RFX7: variants seen among roughly 807,000 people sequenced by gnomAD.
RFX7 encodes the protein regulatory factor X7, also known as DNA-binding protein RFX7.
RFX7 carries 26 observed loss-of-function variants against 111.8 expected under a neutral mutation model. The ratio of observed to expected loss-of-function variants is 0.23; its 90% CI spans 0.17 to 0.32. The LOEUF (loss-of-function observed/expected upper bound fraction) is 0.32, where lower values mean the gene tolerates loss of function less well. Among genes scored for constraint, RFX7 ranks in the 10% least tolerant of loss-of-function variants. The pLI, the probability that RFX7 is intolerant of heterozygous loss-of-function variation, is 1.00. For missense variants in RFX7, 1,573 were observed against 1,772.9 expected (o/e 0.89, Z 2.02); for synonymous variants, 624 against 624.4 (o/e 1.00, Z 0.01).
chr15:56,141,275 G>T (rs1430422546), intron 5 of RFX7, among the ~76,000 whole-genome samples: 1 of 151,910 alleles, frequency 6.6e-6, no homozygotes, highest in Non-Finnish European at 1.5e-5. Context: ...TTGAGCCCTG[G>T]GGGTGGGGGT....
intron 5 of RFX7, among the ~76,000 whole-genome samples, chr15:56,140,110 C>G (rs1595958546): frequency 6.6e-6 from 1 of 152,216 alleles, no homozygotes. Context: ...CCTACAGAGG[C>G]AGGCAGGCCT....
chr15:56,180,703 C>T (rs1326453783), intron 2 of RFX7, among the ~76,000 whole-genome samples: 1 of 144,016 alleles, frequency 6.9e-6, no homozygotes, highest in African/African-American at 2.6e-5. Context: ...CTCAGGAGTT[C>T]GAGACCAGCT....
chr15:56,201,651 A>T (rs1222120936), intron 2 of RFX7, among the ~76,000 whole-genome samples: 1 of 152,168 alleles, frequency 6.6e-6, no homozygotes, highest in Admixed American at 6.5e-5. Context: ...GCATAATTCT[A>T]TGTAGGAATG....
chr15:56,223,502 A>G (rs1455276196), intron 2 of RFX7, among the ~76,000 whole-genome samples: 2 of 152,128 alleles, frequency 1.3e-5, no homozygotes. Context: ...CAGTTGCTTC[A>G]TGTCTTTTAT....
intron 5 of RFX7, among the ~76,000 whole-genome samples, chr15:56,132,564 A>T (rs1166523458): frequency 2.0e-5 from 3 of 152,098 alleles, no homozygotes; most frequent in Non-Finnish European, 4.4e-5. Flanking sequence ...CAAGGCTTAT[A>T]TATAAAAAAT....
At chr15:56,157,633 T>C (rs1595975000) in intron 3 of RFX7, among the ~76,000 whole-genome samples, 1 of 152,220 alleles carries the variant, frequency 6.6e-6, no homozygotes, top group Non-Finnish European at 1.5e-5. Context: ...CAGGCTGGAG[T>C]GCAGTGGCAC....
In RFX7 at chr15:56,138,960, T is replaced by C. The variant is rs1463561849; in HGVS notation, c.401+3818A>G. Among the ~76,000 whole-genome samples, 3 of 152,298 alleles carry C rather than the reference T, an allele frequency of 2.0e-5. No homozygotes were observed. In the East Asian group the frequency reaches 5.8e-4, roughly 29 times the overall value. On this transcript the variant is annotated intron_variant, in intron 5 of 9. Transcript: ENST00000559447. ...ATATTGGCCCCCACTCTCTTCTGGC[T>C]TGTAGGGTTTCTGCCGAGAGATCCG...
At chr15:56,232,636 T>C (rs551104157) in intron 2 of RFX7, among the ~76,000 whole-genome samples, 1 of 152,344 alleles carries the variant, frequency 6.6e-6, no homozygotes, top group African/African-American at 2.4e-5. Context: ...TCTGAACTTT[T>C]ATGCTCTGTT....
intron 2 of RFX7, among the ~76,000 whole-genome samples, chr15:56,223,231 G>A (rs2043445076): frequency 6.6e-6 from 1 of 152,130 alleles, no homozygotes; most frequent in South Asian, 2.1e-4. Flanking sequence ...TTCAGTTAAA[G>A]ATTCAGAATG....
At position 56,093,780 on chromosome 15, in the gene RFX7, G is replaced by A. The variant is rs2041630412; in HGVS notation, c.3948C>T (p.Tyr1316=). The change falls in exon 10 of 10, where the codon TAC becomes TAT. Residue 1316 remains tyrosine, a synonymous_variant. Transcript: ENST00000559447. The part of the protein sequence containing the change: ...TSVYEFQTPS[Y]LTKSNSTGQI... The stretch of plus-strand genomic sequence containing the variant: ...GACCGGTGCTATTACTTTTGGTGAG[G>A]TAAGATGGTGTTTGGAACTCATAAA... 6.2e-7 allele frequency: 1 copy of A among 1,613,954 alleles called. No individual in the cohort carries two copies. The highest frequency in any genetic ancestry group is 1.3e-5 in the African/African-American group (1 of 75,040).
intron 3 of RFX7, 65 bp downstream of exon 3, chr15:56,179,203 CTG>C (rs751737969): frequency 2.5e-5 from 18 of 730,736 alleles, no homozygotes; most frequent in Non-Finnish European, 3.4e-5. Flanking sequence ...TACTTGAAAA[CTG>C]TATATTTTAT....
chr15:56,149,785 G>C (rs141598831), intron 3 of RFX7, among the ~76,000 whole-genome samples: 27 of 151,830 alleles, frequency 1.8e-4, no homozygotes, highest in African/African-American at 6.5e-4. Context: ...GGCAGACACC[G>C]AACTAGATGC....
intron 2 of RFX7, 59 bp downstream of exon 2, chr15:56,243,066 C>CCCCATTG: frequency 2.1e-5 from 24 of 1,161,684 alleles, no homozygotes; most frequent in Middle Eastern, 2.4e-4. Flanking sequence ...GCCCCCCACC[C>CCCCATTG]ACTTTGCAGC....
At chr15:56,101,184 A>C (rs974295028) in intron 8 of RFX7, among the ~76,000 whole-genome samples, 175 bp downstream of exon 8, 2 of 152,184 alleles carry the variant, frequency 1.3e-5, no homozygotes, top group Non-Finnish European at 2.9e-5. Flanking sequence ...TAATGAAAGG[A>C]TTATTATTTT....
chr15:56,107,870 G>C (rs1439435959), intron 5 of RFX7, among the ~76,000 whole-genome samples: 7 of 151,992 alleles, frequency 4.6e-5, no homozygotes, highest in Non-Finnish European at 5.9e-5. Flanking sequence ...AATGATACAG[G>C]GGATATCGCC....
At chr15:56,154,893 G>A (rs2042629658) in intron 3 of RFX7, among the ~76,000 whole-genome samples, 1 of 151,904 alleles carries the variant, frequency 6.6e-6, no homozygotes, top group Admixed American at 6.6e-5. Flanking sequence ...CCTGACAAAG[G>A]ACTAATATCC....
At chr15:56,141,487 G>C (rs1249309609) in intron 5 of RFX7, among the ~76,000 whole-genome samples, 1 of 151,498 alleles carries the variant, frequency 6.6e-6, no homozygotes, top group Non-Finnish European at 1.5e-5. Context: ...TGTCACACAA[G>C]TTTAATGGCA....
At chr15:56,118,523 C>G (rs2042037203) in intron 5 of RFX7, among the ~76,000 whole-genome samples, 1 of 152,194 alleles carries the variant, frequency 6.6e-6, no homozygotes, top group African/African-American at 2.4e-5. Flanking sequence ...ATGATACGAT[C>G]TCATTCTATT....
At chr15:56,233,189 TG>T (rs1389444298) in intron 2 of RFX7, among the ~76,000 whole-genome samples, 1 of 152,150 alleles carries the variant, frequency 6.6e-6, no homozygotes, top group African/African-American at 2.4e-5. Flanking sequence ...TCCATGTGGA[TG>T]GGGAGGCCTC....
Sources: gnomAD v4.1 joint callset for allele counts (sites outside exome capture counted in the v4.1 genomes callset) on GRCh38, gnomAD v4.1.1 for gene constraint, MANE v1.5 for transcripts, NCBI Gene and HGNC (gene_info 2026-07-23, HGNC 2026-07-21) for gene names.